MED22: variants seen among roughly 807,000 people sequenced by gnomAD.
The protein encoded by MED22 is mediator complex subunit 22, also known as mediator of RNA polymerase II transcription subunit 22.
Under a neutral mutation model 22.7 loss-of-function variants are expected in MED22, and 22 were observed. That is an observed-to-expected ratio of 0.97 (90% CI 0.69 to 1.38). MED22 has a LOEUF of 1.38. MED22 is among the 40% of genes most tolerant of loss of function. MED22 has a pLI of 0.00. For missense variants in MED22, 247 were observed against 263.0 expected, an observed-to-expected ratio of 0.94 and a Z score of 0.42; for synonymous variants, 134 against 119.4, an observed-to-expected ratio of 1.12 and a Z score of -0.80.
Position 133,341,695 on chromosome 9 carries a change from C to A in MED22, c.414-1G>T. 4 of 1,605,936 alleles carry A rather than the reference C, an allele frequency of 2.5e-6. No individual in the cohort carries two copies. The highest frequency in any genetic ancestry group is 3.4e-6 in the Non-Finnish European group (4 of 1,176,424). ...GTCATTAGCTTCGCAAAGGCTTGAG[C>A]TTTTCCACCACCAGAAACCCCAGGG... On this transcript the variant is annotated splice_acceptor_variant, in intron 4 of 4. Coordinates refer to ENST00000343730, the MANE Select transcript of MED22 (RefSeq NM_133640.5). LOFTEE classifies it high-confidence loss of function.
At chr9:133,343,965 C>T (rs971219097) in intron 4 of MED22, 160 bp downstream of exon 4, 40 of 1,456,404 alleles carry the variant, frequency 2.7e-5, no homozygotes, top group Middle Eastern at 2.5e-4. Flanking sequence ...AATTGTCTGT[C>T]GGTCAAACGC....
chr9:133,339,965 A>C lies in MED22; in HGVS notation c.*1540T>G, dbSNP rs1055464999. 1 of 152,696 alleles carries C rather than the reference A, an allele frequency of 6.5e-6. No individual in the cohort carries two copies. The highest frequency in any genetic ancestry group is 2.4e-5 in the African/African-American group (1 of 41,448). 9.5% of individuals were successfully genotyped at this position (152,696 alleles called of 1,614,324 possible). A position where few individuals can be genotyped will look rare whatever the true frequency, so the allele number is the denominator to read the frequency against. ...GGGAATGATGGTCCTGGCCAAGCAG[A>C]AAATGAAGCTGATGGCAGGTCTTAT... On this transcript the variant is annotated 3_prime_UTR_variant, in exon 5 of 5. Transcript: ENST00000343730.
At chr9:133,347,367 T>C (rs2129971557) in intron 1 of MED22, 2 of 151,500 alleles carry the variant, frequency 1.3e-5, no homozygotes, top group African/African-American at 4.8e-5. Context: ...AATACAAAAA[T>C]TAGCCGGGCG....
intron 2 of MED22, among the ~76,000 whole-genome samples, chr9:133,346,084 G>T (rs1451461972): frequency 6.6e-6 from 1 of 152,180 alleles, no homozygotes; most frequent in East Asian, 1.9e-4. Flanking sequence ...ATCGCTTATG[G>T]AGCCTGCCAG....
At chr9:133,345,056 C>T in intron 3 of MED22, 116 bp downstream of exon 3, 1 of 983,972 alleles carries the variant, frequency 1.0e-6, no homozygotes, top group Non-Finnish European at 1.5e-6. Flanking sequence ...TCCTTCTGCT[C>T]CTTCTCGGGG....
At chr9:133,344,427 G>A in intron 3 of MED22, 94 bp from the exon 4 acceptor site, 1 of 1,301,102 alleles carries the variant, frequency 7.7e-7, no homozygotes, top group Non-Finnish European at 1.1e-6. Flanking sequence ...GGCCTCTCTA[G>A]GAGCCTCAGC....
chr9:133,341,353 C>T lies in MED22; in HGVS notation c.*152G>A. The T allele has an allele frequency of 2.5e-6, 2 of 789,806 alleles. No homozygotes were observed. The highest frequency in any genetic ancestry group is 3.8e-4 in the Middle Eastern group (1 of 2,608). The allele number at this position is 789,806 out of a possible 1,614,324, so 48.9% of individuals were successfully genotyped here. On this transcript the variant is annotated 3_prime_UTR_variant, in exon 5 of 5. Transcript: ENST00000343730. ...TCCCTACTGTCCTGGCGGGACCCAC[C>T]CTGGGCTAACGGGCTTCCCAAGGAA...
In MED22 at chr9:133,346,750, C is replaced by T; in HGVS notation, c.-38-50G>A. 3.4e-6 allele frequency: 5 copies of T among 1,479,216 alleles called. No individual in the cohort carries two copies. The South Asian group carries it at 5.0e-5, about 15-fold the overall frequency. The allele number at this position is 1,479,216 out of a possible 1,614,324, so 91.6% of individuals were successfully genotyped here. A position where few individuals can be genotyped will look rare whatever the true frequency, so the allele number is the denominator to read the frequency against. On this transcript the variant is annotated intron_variant, in intron 1 of 4. Transcript: ENST00000343730. ...GTGCAGGCAGAGTCTACCCCAGCCA[C>T]CCTCTATGCCCCAACCTTAGCAGAA... is the stretch of plus-strand genomic sequence containing the variant.
At chr9:133,347,705 G>C (rs997616939) in intron 1 of MED22, 2 of 155,404 alleles carry the variant, frequency 1.3e-5, no homozygotes, top group Non-Finnish European at 2.9e-5. Flanking sequence ...GGTGCTCAGG[G>C]AGGGCCCGGG....
intron 4 of MED22, 63 bp from the exon 5 acceptor site, chr9:133,341,757 G>A (rs991821045): frequency 5.1e-6 from 8 of 1,574,348 alleles, no homozygotes; most frequent in Non-Finnish European, 6.0e-6. Context: ...GCCAGGGGAG[G>A]GGAGAGCAAG....
intron 4 of MED22, chr9:133,342,538 A>G (rs1836037936): frequency 3.0e-6 from 3 of 986,048 alleles, no homozygotes; most frequent in Non-Finnish European, 3.6e-6. Context: ...ACAGAGGCGC[A>G]GCTCATGCGG....
At chr9:133,345,052 T>A (rs1457461451) in intron 3 of MED22, 120 bp downstream of exon 3, 1 of 931,634 alleles carries the variant, frequency 1.1e-6, no homozygotes, top group African/African-American at 1.7e-5. Context: ...TGCCTCCTTC[T>A]GCTCCTTCTC....
At chr9:133,342,535 C>T (rs2129953714) in intron 4 of MED22, 323 of 986,056 alleles carry the variant, frequency 3.3e-4, no homozygotes, top group Non-Finnish European at 3.6e-4. Flanking sequence ...AGCACAGAGG[C>T]GCAGCTCATG....
chr9:133,347,651 T>C (rs2129972853), intron 1 of MED22: 2 of 151,992 alleles, frequency 1.3e-5, no homozygotes, highest in East Asian at 4.0e-4. Context: ...CTGGACGGCC[T>C]CGGCGCTGGA....
At chr9:133,341,959 C>T in intron 4 of MED22, 2 of 1,260,472 alleles carry the variant, frequency 1.6e-6, no homozygotes, top group Non-Finnish European at 2.0e-6. Flanking sequence ...CTCAGCAGGC[C>T]CTTCCTGCCC....
At chr9:133,342,322 G>A (rs1431593860) in intron 4 of MED22, 26 of 985,990 alleles carry the variant, frequency 2.6e-5, no homozygotes, top group Non-Finnish European at 3.1e-5. Flanking sequence ...GCCCGCAGCT[G>A]TGACAATCCA....
rs1192002349 is a variant in MED22 at position 133,347,903 on chromosome 9, C to A, written c.-39+19G>T. On this transcript the variant is annotated intron_variant, in intron 1 of 4. Coordinates refer to ENST00000343730, the MANE Select transcript of MED22 (RefSeq NM_133640.5). Reference sequence around the variant, plus strand: ...CACCCACCCCCCCTCCATCCCCACCCCCCACCACACCCTCATACCCGCCCC... The same window carrying A: ...CACCCACCCCCCCTCCATCCCCACCACCCACCACACCCTCATACCCGCCCC... The A allele has an allele frequency of 6.5e-6, 1 of 153,852 alleles. No homozygotes were observed. The highest frequency in any genetic ancestry group is 1.4e-5 in the Non-Finnish European group (1 of 70,488). 9.5% of individuals were successfully genotyped at this position (153,852 alleles called of 1,614,324 possible). A position where few individuals can be genotyped will look rare whatever the true frequency, so the allele number is the denominator to read the frequency against.
In MED22 at chr9:133,341,587, G is replaced by C. The variant is rs2129949291; in HGVS notation, c.521C>G (p.Pro174Arg). ...DGLSAPLLAS[P>R]EPSAGPLQVA... is the part of the protein sequence containing the mutation. Reference sequence around the variant, plus strand: ...CTGTAGGGGGCCAGCACTGGGCTCCGGGGACGCCAGCAGAGGGGCCGAGAG... The same window carrying C: ...CTGTAGGGGGCCAGCACTGGGCTCCCGGGACGCCAGCAGAGGGGCCGAGAG... The change falls in exon 5 of 5, where the codon CCG becomes CGG. Residue 174 changes from proline to arginine, a missense_variant. By Grantham distance (103) the Pro-to-Arg change is moderately radical. Transcript: ENST00000343730. 1 of 1,582,784 alleles carries C rather than the reference G, an allele frequency of 6.3e-7. No individual in the cohort carries two copies. Among genetic ancestry groups the C allele is most frequent in the Admixed American group, 1.9e-5 (1 of 53,036 alleles).
chr9:133,346,354 C>T (rs1836179077), intron 2 of MED22, 186 bp downstream of exon 2: 1 of 679,758 alleles, frequency 1.5e-6, no homozygotes, highest in East Asian at 2.8e-5. Flanking sequence ...AATCTCCATC[C>T]AAATCCATAC....
Sources: allele counts gnomAD v4.1 joint callset (sites outside exome capture counted in the v4.1 genomes callset), GRCh38; gene constraint gnomAD v4.1.1; transcripts MANE v1.5; gene names NCBI Gene and HGNC (gene_info 2026-07-23, HGNC 2026-07-21).